SRGAP1: variants seen among roughly 807,000 people sequenced by gnomAD.
The protein encoded by SRGAP1 is SLIT-ROBO Rho GTPase-activating protein 1.
Under a neutral mutation model 121.9 loss-of-function variants are expected in SRGAP1, and 43 were observed. The observed-to-expected ratio is 0.35, with a 90% CI of 0.28 to 0.46. SRGAP1 has a LOEUF of 0.46. Ranked by LOEUF, SRGAP1 falls within the 20% of genes least tolerant of loss-of-function variation. The probability of loss-of-function intolerance (pLI) is 1.00; values close to 1 mark genes in which losing one functional copy is unlikely to be tolerated. For synonymous variants in SRGAP1, 447 were observed against 485.4 expected (o/e 0.92, Z 1.04); for missense variants, 1,102 against 1,350.9 (o/e 0.82, Z 2.89).
chr12:64,042,320 CTATG>C (rs1297670362), intron 4 of SRGAP1, among the ~76,000 whole-genome samples: 3 of 151,982 alleles, frequency 2.0e-5, no homozygotes, highest in African/African-American at 7.2e-5. Context: ...TCAACTAAAA[CTATG>C]TATGAACCTT....
intron 18 of SRGAP1, among the ~76,000 whole-genome samples, chr12:64,116,274 AAAGT>A (rs1409962527): frequency 6.6e-6 from 1 of 150,482 alleles, no homozygotes; most frequent in African/African-American, 2.5e-5. Context: ...AAAAAAAAAA[AAAGT>A]AGATTAAAAA....
chr12:63,907,588 G>A (rs898096732), intron 1 of SRGAP1, among the ~76,000 whole-genome samples: 2 of 151,970 alleles, frequency 1.3e-5, no homozygotes, highest in Admixed American at 1.3e-4. Context: ...TGTTTTTACT[G>A]TTGAGTTGTA....
intron 1 of SRGAP1, among the ~76,000 whole-genome samples, chr12:63,860,260 C>T (rs1565924244): frequency 6.6e-6 from 1 of 152,324 alleles, no homozygotes; most frequent in Admixed American, 6.5e-5. Context: ...ATTTGCCTGC[C>T]TTGGACTCCC....
At chr12:63,906,585 T>C (rs2030223183) in intron 1 of SRGAP1, among the ~76,000 whole-genome samples, 1 of 152,136 alleles carries the variant, frequency 6.6e-6, no homozygotes, top group African/African-American at 2.4e-5. Flanking sequence ...AGTGCTGGGA[T>C]TACAGGTGTG....
chr12:64,141,894 G>A (rs1046731321), intron 21 of SRGAP1, among the ~76,000 whole-genome samples: 1 of 152,156 alleles, frequency 6.6e-6, no homozygotes, highest in Admixed American at 6.5e-5. Context: ...CTACTCAGGA[G>A]GTAGGAGGAT....
intron 4 of SRGAP1, among the ~76,000 whole-genome samples, chr12:64,042,149 G>A (rs1418498041): frequency 2.6e-5 from 4 of 151,804 alleles, no homozygotes; most frequent in Non-Finnish European, 5.9e-5. Flanking sequence ...TGTCTGCCTC[G>A]GCCTCCCAAA....
chr12:63,935,881 A>G (rs1407527004), intron 1 of SRGAP1, among the ~76,000 whole-genome samples: 1 of 152,198 alleles, frequency 6.6e-6, no homozygotes, highest in Non-Finnish European at 1.5e-5. Context: ...TCCAGCTCTT[A>G]GTGAGTTTAA....
Position 63,849,908 on chromosome 12 carries a change from A to G in SRGAP1, c.67+5025A>G, listed in dbSNP as rs529863561. 2.0e-4 allele frequency among the ~76,000 whole-genome samples: 30 copies of G among 152,308 alleles called. 1 individual carries two copies. In the East Asian group the frequency reaches 2.1e-3, roughly 11 times the overall value. Reference sequence around the variant, plus strand: ...CACATAGTAGATATCTAAATAGGAGATAGAACAGTTACCTATTGAGACTTT... The same window carrying G: ...CACATAGTAGATATCTAAATAGGAGGTAGAACAGTTACCTATTGAGACTTT... On this transcript the variant is annotated intron_variant, in intron 1 of 21. Coordinates refer to ENST00000355086, the MANE Select transcript of SRGAP1 (RefSeq NM_020762.4).
chr12:64,129,635 T>C (rs2036751838), intron 21 of SRGAP1, among the ~76,000 whole-genome samples: 1 of 152,122 alleles, frequency 6.6e-6, no homozygotes, highest in Non-Finnish European at 1.5e-5. Flanking sequence ...ATAAAAACAA[T>C]AATGTCATAA....
At chr12:63,998,069 C>A (rs2033764707) in intron 3 of SRGAP1, among the ~76,000 whole-genome samples, 1 of 152,154 alleles carries the variant, frequency 6.6e-6, no homozygotes, top group African/African-American at 2.4e-5. Flanking sequence ...CAGCTTTATT[C>A]TTCTTTATAG....
At chr12:63,944,811 C>T (rs1479242669) in intron 1 of SRGAP1, among the ~76,000 whole-genome samples, 1 of 152,206 alleles carries the variant, frequency 6.6e-6, no homozygotes, top group Non-Finnish European at 1.5e-5. Context: ...GGAAGGTTCA[C>T]TTTGTAGCCA....
At chr12:64,128,289 T>G (rs921390312) in intron 21 of SRGAP1, 89 bp downstream of exon 21, 20 of 1,225,708 alleles carry the variant, frequency 1.6e-5, no homozygotes, top group Non-Finnish European at 2.1e-5. Flanking sequence ...CTTTTTACTT[T>G]ATTTACTTTA....
chr12:63,945,372 CGTCATCTATGTTAG>C (rs1205940092), intron 1 of SRGAP1, among the ~76,000 whole-genome samples: 5 of 151,898 alleles, frequency 3.3e-5, no homozygotes. Context: ...CCCATCAACC[CGTCATCTATGTTAG>C]GTATTTCTCC....
intron 1 of SRGAP1, among the ~76,000 whole-genome samples, chr12:63,855,380 C>G (rs143010294): frequency 3.0e-4 from 45 of 150,332 alleles, no homozygotes; most frequent in African/African-American, 1.0e-3. Flanking sequence ...AATATAGTCT[C>G]TCTGGATGGC....
At chr12:64,062,018 A>G (rs1209943532) in intron 6 of SRGAP1, among the ~76,000 whole-genome samples, 1 of 76,594 alleles carries the variant, frequency 1.3e-5, no homozygotes, top group Non-Finnish European at 2.6e-5. Flanking sequence ...AGGTGGAAAT[A>G]TGTTTTCATT....
intron 1 of SRGAP1, among the ~76,000 whole-genome samples, chr12:63,953,547 C>T (rs1225576688): frequency 1.3e-5 from 2 of 151,744 alleles, no homozygotes; most frequent in Non-Finnish European, 2.9e-5. Context: ...AGACTATAGG[C>T]ATGCACCACC....
chr12:63,925,135 T>C (rs191529553), intron 1 of SRGAP1, among the ~76,000 whole-genome samples: 4 of 152,326 alleles, frequency 2.6e-5, no homozygotes, highest in Admixed American at 1.3e-4. Context: ...CCTGATTTAG[T>C]AGCAGAGCCT....
At chr12:63,929,418 C>T (rs1377973392) in intron 1 of SRGAP1, among the ~76,000 whole-genome samples, 1 of 152,202 alleles carries the variant, frequency 6.6e-6, no homozygotes, top group African/African-American at 2.4e-5. Flanking sequence ...CTCTGATCTT[C>T]ATGACAGCAC....
intron 1 of SRGAP1, among the ~76,000 whole-genome samples, chr12:63,979,446 C>A (rs1336081849): frequency 6.6e-6 from 1 of 151,748 alleles, no homozygotes; most frequent in Non-Finnish European, 1.5e-5. Flanking sequence ...AATATTTTCT[C>A]CCATCTATGG....
Sources: gnomAD v4.1 joint callset for allele counts (sites outside exome capture counted in the v4.1 genomes callset) on GRCh38, gnomAD v4.1.1 for gene constraint, MANE v1.5 for transcripts, NCBI Gene and HGNC (gene_info 2026-07-23, HGNC 2026-07-21) for gene names.